The following NET1 variants were observed in gnomAD, a reference collection of about 807,000 sequenced individuals.
The protein encoded by NET1 is neuroepithelial cell-transforming gene 1 protein.
A neutral mutation model predicts 61.1 loss-of-function variants in NET1; 42 were observed. That is an observed-to-expected ratio of 0.69 (90% confidence interval 0.54 to 0.89). The LOEUF (loss-of-function observed/expected upper bound fraction) is 0.89, where lower values mean the gene tolerates loss of function less well. Among genes scored for constraint, NET1 ranks in the 40% least tolerant of loss-of-function variants. The probability of loss-of-function intolerance (pLI) is 0.00; values close to 1 mark genes in which losing one functional copy is unlikely to be tolerated. For missense variants in NET1, 654 were observed against 747.3 expected (o/e 0.88, Z 1.46); for synonymous variants, 254 against 281.8 (o/e 0.90, Z 0.99).
At chr10:5,428,038 C>CCTTTTTTTTTT (rs767299959) in intron 2 of NET1, among the ~76,000 whole-genome samples, 1 of 113,904 alleles carries the variant, frequency 8.8e-6, no homozygotes. Flanking sequence ...TTTGCCGTTC[C>CCTTTTTTTTTT]TTTTTTTTTT....
At position 5,455,595 on chromosome 10, in the gene NET1, A is replaced by G. The variant is rs1229184542; in HGVS notation, c.1197+477A>G. On this transcript the variant is annotated intron_variant, in intron 10 of 11. Transcript: ENST00000355029. This position sits in a 1 kb window ranked among gnomAD's most constrained non-coding sequence, Gnocchi z 6.5. The stretch of plus-strand genomic sequence containing the variant: ...ATTTTTGTTTCATCATGCATTTTCA[A>G]AAGCCCAATTTATAAGTTGGAGTTT... Among the ~76,000 whole-genome samples the G allele has an allele frequency of 5.9e-5, 9 of 152,250 alleles. No individual in the cohort carries two copies. Among genetic ancestry groups the G allele is most frequent in the African/African-American group, 9.6e-5 (4 of 41,468 alleles).
intron 3 of NET1, among the ~76,000 whole-genome samples, chr10:5,445,184 T>C (rs1213450796): frequency 2.0e-5 from 3 of 152,350 alleles, no homozygotes; most frequent in Admixed American, 6.5e-5. Context: ...GTGATCTCAG[T>C]GTGGGCTCAC....
intron 3 of NET1, among the ~76,000 whole-genome samples, chr10:5,448,284 G>A (rs1446486031): frequency 6.6e-6 from 1 of 152,186 alleles, no homozygotes; most frequent in Non-Finnish European, 1.5e-5. Flanking sequence ...TCTACAGAAT[G>A]CTGACTTCTC....
chr10:5,429,645 A>AACTGC (rs1394744042), intron 3 of NET1, among the ~76,000 whole-genome samples: 2 of 152,224 alleles, frequency 1.3e-5, no homozygotes, highest in Non-Finnish European at 2.9e-5. Context: ...TTTTTCTTAA[A>AACTGC]AAATACATGC....
chr10:5,433,982 T>C (rs1184480780), intron 3 of NET1, among the ~76,000 whole-genome samples: 1 of 152,182 alleles, frequency 6.6e-6, no homozygotes, highest in Non-Finnish European at 1.5e-5. Flanking sequence ...TCCAGTCACC[T>C]AATTTCTGAG....
intron 3 of NET1, among the ~76,000 whole-genome samples, chr10:5,429,702 A>G (rs1832318202): frequency 6.6e-6 from 1 of 152,210 alleles, no homozygotes; most frequent in Admixed American, 6.5e-5. Flanking sequence ...ATGGGCTTCA[A>G]GGCTTCAAGT....
rs1242219781 is a variant in NET1, at chr10:5,435,486, T to C, written c.255+6257T>C. 1.7e-4 allele frequency among the ~76,000 whole-genome samples: 1 copy of C among 5,924 alleles called. No individual in the cohort carries two copies. The highest frequency in any genetic ancestry group is 2.5e-4 in the African/African-American group (1 of 3,922). The allele number at this position is 5,924 out of a possible 152,430, so 3.9% of individuals were successfully genotyped here. A position where few individuals can be genotyped will look rare whatever the true frequency, so the allele number is the denominator to read the frequency against. On this transcript the variant is annotated intron_variant, in intron 3 of 11. Transcript: ENST00000355029. This position sits in a 1 kb window ranked among gnomAD's most constrained non-coding sequence, Gnocchi z 5.0. ...TGCCTCCGTGCCTGAGATAGATAGATAGATAGATAGATAGATAGATAGATA... is the reference window on the plus strand; with the variant it reads ...TGCCTCCGTGCCTGAGATAGATAGACAGATAGATAGATAGATAGATAGATA...
chr10:5,455,227 A>G lies in NET1; in HGVS notation c.1197+109A>G. 1 of 1,027,596 alleles carries G rather than the reference A, an allele frequency of 9.7e-7. No individual in the cohort carries two copies. Among genetic ancestry groups the G allele is most frequent in the Non-Finnish European group, 1.4e-6 (1 of 700,360 alleles). The allele number at this position is 1,027,596 out of a possible 1,614,324, so 63.7% of individuals were successfully genotyped here. ...AAAGGGAAAGTCATGACATAGTAAA[A>G]GAAGGTTGCCAATTTTAATTTTATA... On this transcript the variant is annotated intron_variant, in intron 10 of 11. Coordinates refer to ENST00000355029, the MANE Select transcript of NET1 (RefSeq NM_001047160.3). The surrounding 1 kb of genome is among the most constrained non-coding windows in gnomAD (Gnocchi z 6.5).
chr10:5,447,694 T>TAC lies in NET1; in HGVS notation c.256-4129_256-4128dup, dbSNP rs1198195352. ...CAAAGTTGCTTGTCATGTGTACACA[T>TAC]ACACACACCTTTTGGTAGTTAAAAT... On this transcript the variant is annotated intron_variant, in intron 3 of 11. Coordinates refer to ENST00000355029, the MANE Select transcript of NET1 (RefSeq NM_001047160.3). This position sits in a 1 kb window ranked among gnomAD's most constrained non-coding sequence, Gnocchi z 4.1. 3.3e-5 allele frequency among the ~76,000 whole-genome samples: 5 copies of TAC among 152,232 alleles called. No homozygotes were observed. Among genetic ancestry groups the TAC allele is most frequent in the African/African-American group, 7.2e-5 (3 of 41,474 alleles).
At chr10:5,414,496 A>G (rs990903468) in intron 1 of NET1, among the ~76,000 whole-genome samples, 2 of 152,236 alleles carry the variant, frequency 1.3e-5, no homozygotes, top group Non-Finnish European at 2.9e-5. Flanking sequence ...ATACCAAATT[A>G]AAATTTCCAA....
rs74662954 is a variant in NET1 at position 5,421,299 on chromosome 10, A to G, written c.129-5356A>G. On this transcript the variant is annotated intron_variant, in intron 1 of 11. Transcript: ENST00000355029. The surrounding 1 kb of genome is among the most constrained non-coding windows in gnomAD (Gnocchi z 4.2). ...TAGGGAAAGCCATAGAACTTTACAT[A>G]TCACCCATATGGCAGAAATATAAAT... Among the ~76,000 whole-genome samples the G allele has an allele frequency of 6.5e-3, 983 of 152,316 alleles. 36 individuals carry two copies. In the East Asian group the frequency reaches 0.11, roughly 16 times the overall value.
In NET1 at chr10:5,426,617, C is replaced by A. The variant is rs201832694; in HGVS notation, c.129-38C>A. Reference sequence around the variant, plus strand: ...GTTTGATGCTCTATTATGCTAAAGTCAATCTCTTTATTTATTGTTTGAATT... The same window carrying A: ...GTTTGATGCTCTATTATGCTAAAGTAAATCTCTTTATTTATTGTTTGAATT... On this transcript the variant is annotated intron_variant, in intron 1 of 11. Coordinates refer to ENST00000355029, the MANE Select transcript of NET1 (RefSeq NM_001047160.3). The surrounding 1 kb of genome is among the most constrained non-coding windows in gnomAD (Gnocchi z 4.6). 6.7e-6 allele frequency: 10 copies of A among 1,496,998 alleles called. No individual in the cohort carries two copies. In the East Asian group the frequency reaches 1.4e-4, roughly 21 times the overall value. The allele number at this position is 1,496,998 out of a possible 1,614,324, so 92.7% of individuals were successfully genotyped here. A position where few individuals can be genotyped will look rare whatever the true frequency, so the allele number is the denominator to read the frequency against.
Position 5,456,884 on chromosome 10 carries a change from C to G in NET1, c.1681C>G (p.Gln561Glu). The G allele has an allele frequency of 6.2e-7, 1 of 1,614,068 alleles. No homozygotes were observed. The highest frequency in any genetic ancestry group is 8.5e-7 in the Non-Finnish European group (1 of 1,179,976). The change falls in exon 12 of 12, where the codon CAG becomes GAG. Residue 561 changes from glutamine to glutamate, a missense_variant. Coordinates refer to ENST00000355029, the MANE Select transcript of NET1 (RefSeq NM_001047160.3). This position sits in a 1 kb window ranked among gnomAD's most constrained non-coding sequence, Gnocchi z 7.0. ...CGCTTACAGATGTGGCTCTGGCATG[C>G]AGATGGCAGAGGACAGCAAGAGCTT... ...ENAYRCGSGM[Q>E]MAEDSKSLKT...
intron 1 of NET1, among the ~76,000 whole-genome samples, chr10:5,414,103 G>A (rs1248163046): frequency 6.6e-6 from 1 of 152,120 alleles, no homozygotes; most frequent in Non-Finnish European, 1.5e-5. Flanking sequence ...TGAAGCAAAT[G>A]AGTCTGATGA....
chr10:5,438,381 T>C (rs899846147), intron 3 of NET1, among the ~76,000 whole-genome samples: 2 of 152,028 alleles, frequency 1.3e-5, no homozygotes, highest in African/African-American at 4.8e-5. Flanking sequence ...CTCAAATTAG[T>C]AAAATGAGAA....
In NET1 at chr10:5,417,772, C is replaced by T. The variant is rs1300587981; in HGVS notation, c.128+4952C>T. 1.3e-5 allele frequency among the ~76,000 whole-genome samples: 2 copies of T among 152,160 alleles called. No homozygotes were observed. Among genetic ancestry groups the T allele is most frequent in the Non-Finnish European group, 2.9e-5 (2 of 68,026 alleles). On this transcript the variant is annotated intron_variant, in intron 1 of 11. Transcript: ENST00000355029. The surrounding 1 kb of genome is among the most constrained non-coding windows in gnomAD (Gnocchi z 5.5). Reference sequence around the variant, plus strand: ...TTTCTGATCTTAAGGGGAAAGCATACAATCTTTCACCATTAAGTATGATGT... The same window carrying T: ...TTTCTGATCTTAAGGGGAAAGCATATAATCTTTCACCATTAAGTATGATGT...
Position 5,437,613 on chromosome 10 carries a change from G to C in NET1, c.255+8384G>C, listed in dbSNP as rs1295509346. Among the ~76,000 whole-genome samples the C allele has an allele frequency of 1.3e-5, 2 of 151,456 alleles. No individual in the cohort carries two copies. The highest frequency in any genetic ancestry group is 4.9e-5 in the African/African-American group (2 of 41,234). On this transcript the variant is annotated intron_variant, in intron 3 of 11. Transcript: ENST00000355029. This position sits in a 1 kb window ranked among gnomAD's most constrained non-coding sequence, Gnocchi z 4.3. The stretch of plus-strand genomic sequence containing the variant: ...TTGCCAAATTGATACTTTTCTATCG[G>C]TTTATGATAATATTCATAACCGAGT...
At chr10:5,433,874 C>T (rs1832385160) in intron 3 of NET1, among the ~76,000 whole-genome samples, 1 of 151,778 alleles carries the variant, frequency 6.6e-6, no homozygotes, top group South Asian at 2.1e-4. Context: ...AGCCATCCTC[C>T]TTTTTTCCCT....
rs1308497227 is a variant in NET1 at position 5,455,201 on chromosome 10, T to G, written c.1197+83T>G. The G allele has an allele frequency of 1.4e-5, 19 of 1,363,922 alleles. No homozygotes were observed. The highest frequency in any genetic ancestry group is 2.0e-5 in the Non-Finnish European group (19 of 969,414). The allele number at this position is 1,363,922 out of a possible 1,614,324, so 84.5% of individuals were successfully genotyped here. A position where few individuals can be genotyped will look rare whatever the true frequency, so the allele number is the denominator to read the frequency against. On this transcript the variant is annotated intron_variant, in intron 10 of 11. Transcript: ENST00000355029. The surrounding 1 kb of genome is among the most constrained non-coding windows in gnomAD (Gnocchi z 6.5). ...ACACGTTTGTTATGAAGCAGGCTTG[T>G]AAAGGGAAAGTCATGACATAGTAAA...
Sources: allele counts gnomAD v4.1 joint callset (sites outside exome capture counted in the v4.1 genomes callset), GRCh38; gene constraint gnomAD v4.1.1; non-coding constraint Gnocchi (gnomAD v3.1); transcripts MANE v1.5; gene names NCBI Gene and HGNC (gene_info 2026-07-23, HGNC 2026-07-21).